The following FZD3 variants were observed in gnomAD, a reference collection of about 807,000 sequenced individuals.
FZD3 encodes frizzled-3.
Under a neutral mutation model 60.7 loss-of-function variants are expected in FZD3, and 30 were observed. That is an observed-to-expected ratio of 0.49 (90% CI 0.37 to 0.67). The LOEUF is 0.67. Among genes scored for constraint, FZD3 ranks in the 30% least tolerant of loss-of-function variants. FZD3 has a pLI of 0.00. For synonymous variants in FZD3, 246 were observed against 275.2 expected, an observed-to-expected ratio of 0.89 and a Z score of 1.05; for missense variants, 605 against 838.7, an observed-to-expected ratio of 0.72 and a Z score of 3.44.
At chr8:28,514,967 T>C (rs1346760063) in intron 3 of FZD3, among the ~76,000 whole-genome samples, 1 of 152,192 alleles carries the variant, frequency 6.6e-6, no homozygotes, top group African/African-American at 2.4e-5. Context: ...TACAACAAAT[T>C]TGTTAAATGC....
At chr8:28,502,099 A>T (rs1331520312) in intron 2 of FZD3, among the ~76,000 whole-genome samples, 1 of 152,144 alleles carries the variant, frequency 6.6e-6, no homozygotes, top group Non-Finnish European at 1.5e-5. Context: ...GCTAGGTGGT[A>T]TTGGAATCAT....
rs866621611 is a variant in FZD3, at chr8:28,574,256, C to A, written c.*11245C>A. ...AGATTTTTAATAAAATTAAATAATT[C>A]TCTTTTCTGTCATTAGTACCTGATT... is the stretch of plus-strand genomic sequence containing the variant. On this transcript the variant is annotated 3_prime_UTR_variant, in exon 8 of 8. Coordinates refer to ENST00000240093, the MANE Select transcript of FZD3 (RefSeq NM_017412.4). 1 of 152,006 alleles carries A rather than the reference C, an allele frequency of 6.6e-6. No homozygotes were observed. Among genetic ancestry groups the A allele is most frequent in the African/African-American group, 2.4e-5 (1 of 41,394 alleles). The allele number at this position is 152,006 out of a possible 1,614,324, so 9.4% of individuals were successfully genotyped here. A position where few individuals can be genotyped will look rare whatever the true frequency, so the allele number is the denominator to read the frequency against.
At chr8:28,555,698 A>G (rs1347760175) in intron 6 of FZD3, 40 bp from the exon 7 acceptor site, 2 of 1,105,386 alleles carry the variant, frequency 1.8e-6, no homozygotes, top group Admixed American at 1.7e-5. Context: ...GTCTGAAGGA[A>G]GATTGGTATG....
chr8:28,527,714 G>C lies in FZD3; in HGVS notation c.954G>C (p.Lys318Asn). The change falls in exon 5 of 8, where the codon AAG becomes AAC. Residue 318 changes from lysine to asparagine, a missense_variant. Transcript: ENST00000240093. This position sits in a 1 kb window ranked among gnomAD's most constrained non-coding sequence, Gnocchi z 5.0. ...TITWFLAAVPKWGSEAIEKKA... is the reference protein window; with the variant it reads ...TITWFLAAVPNWGSEAIEKKA... ...CATGGTTTTTAGCAGCTGTGCCAAA[G>C]TGGGGTAGTGAAGCTATTGAGAAGA... 6.2e-7 allele frequency: 1 copy of C among 1,614,162 alleles called. No individual in the cohort carries two copies. The highest frequency in any genetic ancestry group is 1.1e-5 in the South Asian group (1 of 91,082).
chr8:28,546,160 C>G (rs1005490296), intron 5 of FZD3, among the ~76,000 whole-genome samples: 4 of 152,188 alleles, frequency 2.6e-5, no homozygotes, highest in Non-Finnish European at 5.9e-5. Flanking sequence ...ACACATCACT[C>G]AGAACATATC....
chr8:28,500,621 G>A (rs1282429657), intron 2 of FZD3, among the ~76,000 whole-genome samples: 2 of 152,136 alleles, frequency 1.3e-5, no homozygotes, highest in African/African-American at 4.8e-5. Context: ...AAACTACAAA[G>A]ACTGAACTTA....
At chr8:28,539,657 G>A (rs767738056) in intron 5 of FZD3, among the ~76,000 whole-genome samples, 9 of 152,094 alleles carry the variant, frequency 5.9e-5, no homozygotes, top group Non-Finnish European at 1.2e-4. Context: ...GTGGGCTTTA[G>A]GTGACCATAG....
chr8:28,507,687 A>G (rs958988323), intron 3 of FZD3, among the ~76,000 whole-genome samples: 6 of 151,938 alleles, frequency 3.9e-5, no homozygotes, highest in Non-Finnish European at 7.4e-5. Flanking sequence ...TTCCCCCGTT[A>G]TTAGTTTTTA....
At chr8:28,548,018 A>G (rs968624712) in intron 5 of FZD3, among the ~76,000 whole-genome samples, 1 of 151,158 alleles carries the variant, frequency 6.6e-6, no homozygotes, top group Non-Finnish European at 1.5e-5. Flanking sequence ...ACACCTGGCT[A>G]ATTTTTGTAT....
At position 28,567,091 on chromosome 8, in the gene FZD3, C is replaced by T. The variant is rs1192261512; in HGVS notation, c.*4080C>T. 6.6e-6 allele frequency: 1 copy of T among 152,202 alleles called. No homozygotes were observed. The highest frequency in any genetic ancestry group is 1.5e-5 in the Non-Finnish European group (1 of 68,086). The allele number at this position is 152,202 out of a possible 1,614,324, so 9.4% of individuals were successfully genotyped here. On this transcript the variant is annotated 3_prime_UTR_variant, in exon 8 of 8. Coordinates refer to ENST00000240093, the MANE Select transcript of FZD3 (RefSeq NM_017412.4). ...TGAACTCCTAGGCTCAAGCAGTCCTCCAGCTTCAGCCTCCCAAGTAGCTAA... is the reference window on the plus strand; with the variant it reads ...TGAACTCCTAGGCTCAAGCAGTCCTTCAGCTTCAGCCTCCCAAGTAGCTAA...
chr8:28,558,281 A>G (rs913687260), intron 7 of FZD3, among the ~76,000 whole-genome samples: 9 of 152,204 alleles, frequency 5.9e-5, no homozygotes, highest in African/African-American at 1.7e-4. Context: ...GGAAGTTTCT[A>G]CAGTAATTTA....
intron 5 of FZD3, among the ~76,000 whole-genome samples, chr8:28,533,790 T>A (rs1468198467): frequency 6.6e-6 from 1 of 152,120 alleles, no homozygotes; most frequent in African/African-American, 2.4e-5. Context: ...TTTTCTAGGA[T>A]TTCCTTTCTC....
At position 28,527,507 on chromosome 8, in the gene FZD3, C is replaced by T; in HGVS notation, c.747C>T (p.Ser249=). Residue 249 remains serine (S), a synonymous_variant, in exon 5 of 8, where the codon TCC becomes TCT. Transcript: ENST00000240093. The surrounding 1 kb of genome is among the most constrained non-coding windows in gnomAD (Gnocchi z 5.0). ...IFYAVCYMMV[S]LIFFIGFLLE... is the part of the protein sequence containing the mutation. Reference sequence around the variant, plus strand: ...ATGCAGTCTGCTACATGATGGTATCCTTAATTTTCTTCATTGGATTTTTGC... The same window carrying T: ...ATGCAGTCTGCTACATGATGGTATCTTTAATTTTCTTCATTGGATTTTTGC... 1.2e-6 allele frequency: 2 copies of T among 1,613,846 alleles called. No homozygotes were observed. Among genetic ancestry groups the T allele is most frequent in the Non-Finnish European group, 1.7e-6 (2 of 1,179,866 alleles).
At chr8:28,530,594 TA>T (rs1804845751) in intron 5 of FZD3, 1 of 152,182 alleles carries the variant, frequency 6.6e-6, no homozygotes, top group African/African-American at 2.4e-5. Flanking sequence ...ATACGTTTTT[TA>T]AAAGCCCCTA....
intron 5 of FZD3, among the ~76,000 whole-genome samples, chr8:28,532,143 T>C (rs932426492): frequency 2.0e-5 from 3 of 152,234 alleles, no homozygotes; most frequent in African/African-American, 7.2e-5. Flanking sequence ...AAGTTTCATT[T>C]TTAGGCTCTC....
At chr8:28,549,032 G>A (rs1004781101) in intron 5 of FZD3, among the ~76,000 whole-genome samples, 1 of 152,200 alleles carries the variant, frequency 6.6e-6, no homozygotes, top group African/African-American at 2.4e-5. Flanking sequence ...TTTTCTCACA[G>A]CTCTAGAAGC....
chr8:28,558,986 A>C lies in FZD3; in HGVS notation c.1787+3015A>C, dbSNP rs117785239. 7.1e-3 allele frequency among the ~76,000 whole-genome samples: 1,082 copies of C among 152,338 alleles called. 7 individuals are homozygous for C. The highest frequency in any genetic ancestry group is 0.012 in the Non-Finnish European group (830 of 68,028). ...AGTTAATAGCACAAGCCAGGAATAT[A>C]ATTAAGACAGTGAGTGTTAAAGATA... is the stretch of plus-strand genomic sequence containing the variant. On this transcript the variant is annotated intron_variant, in intron 7 of 7. Coordinates refer to ENST00000240093, the MANE Select transcript of FZD3 (RefSeq NM_017412.4).
At chr8:28,529,468 T>G (rs540274537) in intron 5 of FZD3, among the ~76,000 whole-genome samples, 1 of 152,312 alleles carries the variant, frequency 6.6e-6, no homozygotes, top group South Asian at 2.1e-4. Flanking sequence ...TTTTTGTTTT[T>G]TAAAGACATT....
chr8:28,528,035 C>T lies in FZD3; in HGVS notation c.1275C>T (p.Ser425=). ...VKFMIRIGVF[S]ILYLVPLLVV... is the part of the protein sequence containing the mutation. ...TTATGATCCGGATCGGTGTTTTCAG[C>T]ATTCTTTATCTCGTACCACTCTTGG... is the stretch of plus-strand genomic sequence containing the variant. The change falls in exon 5 of 8, where the codon AGC becomes AGT. Residue 425 remains serine, a synonymous_variant. Transcript: ENST00000240093. 6 of 1,613,948 alleles carry T rather than the reference C, an allele frequency of 3.7e-6. No individual in the cohort carries two copies. The highest frequency in any genetic ancestry group is 5.1e-6 in the Non-Finnish European group (6 of 1,179,862).
Sources: allele counts gnomAD v4.1 joint callset (sites outside exome capture counted in the v4.1 genomes callset), GRCh38; gene constraint gnomAD v4.1.1; non-coding constraint Gnocchi (gnomAD v3.1); transcripts MANE v1.5; gene names NCBI Gene and HGNC (gene_info 2026-07-23, HGNC 2026-07-21).